ADGRL3: variants seen among roughly 807,000 people sequenced by gnomAD.
ADGRL3 encodes calcium-independent alpha-latrotoxin receptor 3.
Under a neutral mutation model 153.5 loss-of-function variants are expected in ADGRL3, and 62 were observed. The observed-to-expected ratio is 0.40, with a 90% CI of 0.33 to 0.50. The LOEUF (loss-of-function observed/expected upper bound fraction) is 0.50, where lower values mean the gene tolerates loss of function less well. Among genes scored for constraint, ADGRL3 ranks in the 20% least tolerant of loss-of-function variants. The pLI is 0.47. For missense variants in ADGRL3, 1,641 were observed against 1,859.4 expected, an observed-to-expected ratio of 0.88 and a Z score of 2.16; for synonymous variants, 710 against 672.5, an observed-to-expected ratio of 1.06 and a Z score of -0.86.
At chr4:61,765,721 T>G (rs4860103) in intron 8 of ADGRL3, among the ~76,000 whole-genome samples, 151,881 of 152,190 alleles carry the variant, frequency 1, 75,787 homozygotes, top group Middle Eastern at 1. Context: ...TCCAGTGAAA[T>G]TATCTACCTA....
At chr4:61,517,551 G>A (rs992432618) in intron 4 of ADGRL3, 33 bp downstream of exon 4, 9 of 697,776 alleles carry the variant, frequency 1.3e-5, no homozygotes, top group African/African-American at 8.7e-5. Context: ...AGGGCTGGGG[G>A]TGGCTGGGCA....
chr4:61,210,668 A>G (rs1266018453), intron 1 of ADGRL3, among the ~76,000 whole-genome samples: 4 of 152,104 alleles, frequency 2.6e-5, no homozygotes, highest in Non-Finnish European at 5.9e-5. Flanking sequence ...GAAGGGTTCA[A>G]CTGTTTTTCA....
intron 2 of ADGRL3, among the ~76,000 whole-genome samples, chr4:61,457,754 T>C (rs185047555): frequency 7.8e-4 from 119 of 151,988 alleles, no homozygotes; most frequent in African/African-American, 2.7e-3. Flanking sequence ...ACAACTCTTA[T>C]TTTACTGACA....
At chr4:61,545,482 G>T (rs544155590) in intron 4 of ADGRL3, among the ~76,000 whole-genome samples, 2 of 152,098 alleles carry the variant, frequency 1.3e-5, no homozygotes, top group African/African-American at 4.8e-5. Context: ...GCTCTCAAAC[G>T]CATTTCCTCC....
intron 9 of ADGRL3, among the ~76,000 whole-genome samples, chr4:61,836,955 T>G (rs2097945805): frequency 6.6e-6 from 1 of 152,044 alleles, no homozygotes; most frequent in Non-Finnish European, 1.5e-5. Context: ...ATAAGAAAGG[T>G]CACCACTGAC....
At chr4:61,336,774 A>G (rs1043819911) in intron 1 of ADGRL3, among the ~76,000 whole-genome samples, 11 of 151,700 alleles carry the variant, frequency 7.3e-5, no homozygotes, top group African/African-American at 2.7e-4. Flanking sequence ...TGGGTTTTGA[A>G]TGCAAAGCTT....
chr4:61,748,636 T>C (rs368645927), intron 8 of ADGRL3, among the ~76,000 whole-genome samples: 12,987 of 151,670 alleles, frequency 0.086, 1,179 homozygotes, highest in African/African-American at 0.23. Context: ...ATAAATGGTG[T>C]TGGGAAAACT....
chr4:61,796,921 G>T (rs1472561035), intron 8 of ADGRL3, among the ~76,000 whole-genome samples: 2 of 152,120 alleles, frequency 1.3e-5, no homozygotes, highest in African/African-American at 2.4e-5. Flanking sequence ...TTGGGGCTTT[G>T]GTAATTGAAC....
At chr4:61,780,284 A>G (rs1409331299) in intron 8 of ADGRL3, among the ~76,000 whole-genome samples, 2 of 152,210 alleles carry the variant, frequency 1.3e-5, no homozygotes, top group South Asian at 2.1e-4. Context: ...TCTTGGCCAG[A>G]CAGAATGCCA....
intron 5 of ADGRL3, among the ~76,000 whole-genome samples, chr4:61,648,722 T>A (rs1041277077): frequency 1.3e-5 from 2 of 152,082 alleles, no homozygotes; most frequent in Admixed American, 1.3e-4. Flanking sequence ...ATGAGAGAAC[T>A]GGCATTCTTT....
At position 62,037,671 on chromosome 4, in the gene ADGRL3, A is replaced by G. The variant is rs1725838663; in HGVS notation, c.3592-60A>G. 5 of 1,577,448 alleles carry G rather than the reference A, an allele frequency of 3.2e-6. No individual in the cohort carries two copies. In the South Asian group the frequency reaches 4.4e-5, roughly 14 times the overall value. On this transcript the variant is annotated intron_variant, in intron 23 of 26. Coordinates refer to ENST00000683033, the MANE Select transcript of ADGRL3 (RefSeq NM_001387552.1). The stretch of plus-strand genomic sequence containing the variant: ...AAAATAAAACTCACATACATTGTCT[A>G]CTTTTGTTCCTACCTGCAATGAATT...
chr4:61,302,907 C>T (rs1209838475), intron 1 of ADGRL3, among the ~76,000 whole-genome samples: 2 of 152,046 alleles, frequency 1.3e-5, no homozygotes, highest in African/African-American at 4.8e-5. Context: ...AATTTCATTG[C>T]TTTGCTGAAA....
chr4:61,255,951 T>C (rs541596124), intron 1 of ADGRL3, among the ~76,000 whole-genome samples: 17 of 152,200 alleles, frequency 1.1e-4, no homozygotes, highest in Non-Finnish European at 2.2e-4. Context: ...AATATGCATG[T>C]GTCTGCGTCA....
chr4:61,698,762 C>T (rs972892584), intron 6 of ADGRL3, among the ~76,000 whole-genome samples: 3 of 152,076 alleles, frequency 2.0e-5, no homozygotes, highest in African/African-American at 7.2e-5. Context: ...TTGATTGCAG[C>T]CACAGCTTAT....
At chr4:61,888,941 G>A (rs910274168) in intron 9 of ADGRL3, among the ~76,000 whole-genome samples, 1 of 152,086 alleles carries the variant, frequency 6.6e-6, no homozygotes, top group Non-Finnish European at 1.5e-5. Context: ...AATGTAAAAT[G>A]CATTTAAGAA....
intron 1 of ADGRL3, among the ~76,000 whole-genome samples, chr4:61,378,237 G>C (rs1234761121): frequency 6.6e-6 from 1 of 151,910 alleles, no homozygotes; most frequent in East Asian, 1.9e-4. Context: ...TAAATGACTG[G>C]CTAATTTCTA....
chr4:61,321,078 G>T (rs1480743211), intron 1 of ADGRL3, among the ~76,000 whole-genome samples: 1 of 152,090 alleles, frequency 6.6e-6, no homozygotes, highest in Non-Finnish European at 1.5e-5. Context: ...TTGAACCCAT[G>T]TAGATAATCC....
chr4:61,398,245 T>C (rs1355708216), intron 2 of ADGRL3, among the ~76,000 whole-genome samples: 1 of 151,664 alleles, frequency 6.6e-6, no homozygotes, highest in Non-Finnish European at 1.5e-5. Flanking sequence ...TTTGAAACTT[T>C]AAAAAGAAAA....
intron 15 of ADGRL3, among the ~76,000 whole-genome samples, chr4:61,938,438 C>G (rs2098848572): frequency 6.6e-6 from 1 of 152,112 alleles, no homozygotes; most frequent in Non-Finnish European, 1.5e-5. Flanking sequence ...TTATGTAGCT[C>G]TCATCATAAT....
Sources: gnomAD v4.1 joint callset for allele counts (sites outside exome capture counted in the v4.1 genomes callset) on GRCh38, gnomAD v4.1.1 for gene constraint, MANE v1.5 for transcripts, NCBI Gene and HGNC (gene_info 2026-07-23, HGNC 2026-07-21) for gene names.